Variants in CAST observed in about 807,000 individuals in gnomAD.
The protein encoded by CAST is MIR583 host.
A neutral mutation model predicts 119.6 loss-of-function variants in CAST; 76 were observed. The ratio of observed to expected loss-of-function variants is 0.64; its 90% CI spans 0.53 to 0.77. The LOEUF (loss-of-function observed/expected upper bound fraction) is 0.77, where lower values mean the gene tolerates loss of function less well. Among genes scored for constraint, CAST ranks in the 30% least tolerant of loss-of-function variants. The pLI, the probability that CAST is intolerant of heterozygous loss-of-function variation, is 0.00. For synonymous variants in CAST, 319 were observed against 331.6 expected, an observed-to-expected ratio of 0.96 and a Z score of 0.41; for missense variants, 953 against 946.5, an observed-to-expected ratio of 1.01 and a Z score of -0.09.
At chr5:96,366,304 T>C in the CAST span, among the ~76,000 whole-genome samples, 3 of 152,200 alleles carry the variant, frequency 2.0e-5, no homozygotes, top group African/African-American at 7.2e-5. Context: ...CGATTATATG[T>C]CTTGGGGTTG....
the CAST span, among the ~76,000 whole-genome samples, chr5:96,015,972 G>A: frequency 9.9e-5 from 15 of 152,262 alleles, no homozygotes; most frequent in African/African-American, 3.6e-4. Context: ...AGGGTATTTT[G>A]TAGGTGTGAT....
chr5:96,414,392 A>T, the CAST span, among the ~76,000 whole-genome samples: 587 of 145,314 alleles, frequency 4.0e-3, 8 homozygotes, highest in African/African-American at 0.016. Flanking sequence ...GATTGAGGCC[A>T]GGAAGGGATA....
At chr5:96,273,847 GATCAGTGAAGT>G in the CAST span, among the ~76,000 whole-genome samples, 18 of 145,086 alleles carry the variant, frequency 1.2e-4, no homozygotes, top group Admixed American at 4.0e-4. Context: ...GCAGTAAATA[GATCAGTGAAGT>G]ACTGACAGGG....
chr5:96,634,558 C>T (rs1267843918), intron 1 of CAST, among the ~76,000 whole-genome samples: 2 of 152,176 alleles, frequency 1.3e-5, no homozygotes, highest in Admixed American at 6.5e-5. Context: ...AGGACAGGAG[C>T]AGCCTCATTT....
At chr5:96,358,465 T>A in the CAST span, among the ~76,000 whole-genome samples, 2 of 152,228 alleles carry the variant, frequency 1.3e-5, no homozygotes, top group Non-Finnish European at 2.9e-5. Flanking sequence ...CTTGTGGGCA[T>A]TTAGTGCTAT....
chr5:96,313,639 A>G, the CAST span, among the ~76,000 whole-genome samples: 1 of 152,230 alleles, frequency 6.6e-6, no homozygotes, highest in African/African-American at 2.4e-5. Context: ...TTATGTGGAC[A>G]TAGGCTTTTA....
chr5:96,273,332 G>C, the CAST span, among the ~76,000 whole-genome samples: 3 of 152,232 alleles, frequency 2.0e-5, no homozygotes, highest in Non-Finnish European at 4.4e-5. Flanking sequence ...CTAGCCAAGA[G>C]ATTGGAGCAT....
the CAST span, among the ~76,000 whole-genome samples, chr5:96,466,712 T>TTA: frequency 1.3e-5 from 2 of 152,146 alleles, no homozygotes; most frequent in Non-Finnish European, 2.9e-5. Context: ...ATTAATTGTA[T>TTA]TACTGCTGTA....
intron 1 of CAST, among the ~76,000 whole-genome samples, chr5:96,602,855 G>T (rs532041811): frequency 6.6e-6 from 1 of 152,310 alleles, no homozygotes; most frequent in African/African-American, 2.4e-5. Flanking sequence ...ATTTGGGTGA[G>T]ACTCAAATAC....
At chr5:96,193,349 G>GT in the CAST span, among the ~76,000 whole-genome samples, 1 of 142,952 alleles carries the variant, frequency 7.0e-6, no homozygotes, top group Admixed American at 6.8e-5. Context: ...GAACTGTAGA[G>GT]ATTTAAATAT....
chr5:96,573,283 T>C (rs1272260164), intron 1 of CAST, among the ~76,000 whole-genome samples: 1 of 150,752 alleles, frequency 6.6e-6, no homozygotes, highest in Admixed American at 6.6e-5. Context: ...AATTTTTTCT[T>C]GTTTTTTTTG....
chr5:96,646,879 C>A (rs370258583), intron 1 of CAST, among the ~76,000 whole-genome samples: 40 of 152,298 alleles, frequency 2.6e-4, no homozygotes, highest in African/African-American at 9.1e-4. Context: ...GCTGAAGTAA[C>A]TTGTACTTCT....
chr5:96,619,616 AC>A (rs1388463582), intron 1 of CAST, among the ~76,000 whole-genome samples: 1 of 152,194 alleles, frequency 6.6e-6, no homozygotes, highest in African/African-American at 2.4e-5. Flanking sequence ...ATGAGCTGTA[AC>A]GCTCACTGCG....
the CAST span, among the ~76,000 whole-genome samples, chr5:96,028,602 A>G: frequency 6.6e-6 from 1 of 152,052 alleles, no homozygotes; most frequent in Non-Finnish European, 1.5e-5. Flanking sequence ...GGTGCATTCA[A>G]AATAAAATTG....
the CAST span, among the ~76,000 whole-genome samples, chr5:96,358,010 T>C: frequency 6.6e-6 from 1 of 152,158 alleles, no homozygotes; most frequent in African/African-American, 2.4e-5. Flanking sequence ...ATTTCAGAAC[T>C]TGTTATTGGT....
chr5:96,423,449 C>A, the CAST span: 1 of 1,614,048 alleles, frequency 6.2e-7, no homozygotes, highest in Admixed American at 1.7e-5. Context: ...TGCCGTCATC[C>A]TGGTATCTTG....
intron 1 of CAST, among the ~76,000 whole-genome samples, chr5:96,664,227 TA>T: frequency 6.6e-6 from 1 of 152,202 alleles, no homozygotes; most frequent in Admixed American, 6.5e-5. Flanking sequence ...TTTTTTAGAT[TA>T]TTTTTTATTC....
the CAST span, among the ~76,000 whole-genome samples, chr5:96,502,964 G>C: frequency 2.0e-5 from 3 of 152,022 alleles, no homozygotes; most frequent in African/African-American, 7.2e-5. Flanking sequence ...TCATTTCTGT[G>C]AGTTTAATTG....
chr5:96,746,313 A>AC, intron 16 of CAST, 29 bp from the exon 17 acceptor site: 1 of 1,266,454 alleles, frequency 7.9e-7, no homozygotes, highest in Non-Finnish European at 1.2e-6. Context: ...TTATCCAACT[A>AC]CTTTTTTTTT....
Sources: allele counts gnomAD v4.1 joint callset (sites outside exome capture counted in the v4.1 genomes callset), GRCh38; gene constraint gnomAD v4.1.1; transcripts MANE v1.5; gene names NCBI Gene and HGNC (gene_info 2026-07-23, HGNC 2026-07-21).